MORF4L1: variants seen among roughly 807,000 people sequenced by gnomAD.
MORF4L1 encodes the protein mortality factor 4-like protein 1.
In MORF4L1, 4 loss-of-function variants were observed where a neutral mutation model predicts 52.9. That is an observed-to-expected ratio of 0.08 (90% CI 0.04 to 0.17). The LOEUF (loss-of-function observed/expected upper bound fraction) is 0.17. Ranked by LOEUF, MORF4L1 falls within the 10% of genes least tolerant of loss-of-function variation. The pLI is 1.00. For synonymous variants in MORF4L1, 123 were observed against 134.8 expected, an observed-to-expected ratio of 0.91 and a Z score of 0.61; for missense variants, 214 against 390.4, an observed-to-expected ratio of 0.55 and a Z score of 3.81.
At chr15:78,886,967 A>AT (rs1820162516) in intron 4 of MORF4L1, among the ~76,000 whole-genome samples, 1 of 152,092 alleles carries the variant, frequency 6.6e-6, no homozygotes, top group East Asian at 1.9e-4. Context: ...AAAAAAAAAA[A>AT]AAAAGAATTA....
chr15:78,892,366 CA>C (rs753631712), intron 8 of MORF4L1, 53 bp downstream of exon 8: 8 of 1,336,714 alleles, frequency 6.0e-6, no homozygotes, highest in Non-Finnish European at 8.5e-6. Flanking sequence ...TTCTTGCTAG[CA>C]AAAAAAGTTT....
chr15:78,891,480 A>G lies in MORF4L1; in HGVS notation c.350-4A>G, dbSNP rs1312757783. 4 of 1,613,056 alleles carry G rather than the reference A, an allele frequency of 2.5e-6. No individual in the cohort carries two copies. The highest frequency in any genetic ancestry group is 3.3e-5 in the Admixed American group (2 of 59,942). ...ATGAGACCCCTCCCCGCCAACATTT[A>G]CAGCACCTGGAAATGGAGATGGTGG... On this transcript the variant is annotated splice_region_variant and splice_polypyrimidine_tract_variant and intron_variant, in intron 6 of 11. Transcript: ENST00000426013.
chr15:78,887,447 AT>A lies in MORF4L1; in HGVS notation c.323+100del. ...TGTGTTGAAGTGGAAACTTTGGAAC[AT>A]TGTTGGAACCAGTAAGAATCCCATT... On this transcript the variant is annotated intron_variant, in intron 5 of 11. Transcript: ENST00000426013. The A allele has an allele frequency of 1.9e-6, 2 of 1,032,722 alleles. 1 individual carries two copies. 64.0% of individuals were successfully genotyped at this position (1,032,722 alleles called of 1,614,324 possible).
intron 1 of MORF4L1, among the ~76,000 whole-genome samples, chr15:78,877,431 T>G (rs2056516574): frequency 6.6e-6 from 1 of 152,218 alleles, no homozygotes; most frequent in Non-Finnish European, 1.5e-5. Context: ...GCTCTTTTAA[T>G]TTTAGAGCTA....
intron 1 of MORF4L1, chr15:78,878,008 G>GT: frequency 2.2e-6 from 1 of 463,436 alleles, no homozygotes; most frequent in Non-Finnish European, 3.8e-6. Flanking sequence ...CTAATGAATT[G>GT]TTTTTGTTTT....
chr15:78,897,238 C>CT lies in MORF4L1; in HGVS notation c.*173dup. The stretch of plus-strand genomic sequence containing the variant: ...AAAAGGGGGTAATAGCTCCTTTTTT[C>CT]TTCTTTCTTTTTTTTTTTCATTTCA... On this transcript the variant is annotated 3_prime_UTR_variant, in exon 12 of 12. Coordinates refer to ENST00000426013, the MANE Select transcript of MORF4L1 (RefSeq NM_006791.4). 1 of 486,808 alleles carries CT rather than the reference C, an allele frequency of 2.1e-6. No individual in the cohort carries two copies. Among genetic ancestry groups the CT allele is most frequent in the African/African-American group, 2.0e-5 (1 of 50,324 alleles). 30.2% of individuals were successfully genotyped at this position (486,808 alleles called of 1,614,324 possible).
chr15:78,894,177 C>G lies in MORF4L1; in HGVS notation c.749C>G (p.Pro250Arg). ...PQYAEILADHPDAPMSQVYGA... is the reference protein window; with the variant it reads ...PQYAEILADHRDAPMSQVYGA... Reference sequence around the variant, plus strand: ...TATGCTGAAATTCTTGCAGATCATCCCGATGCACCCATGTCCCAGGTGTAT... The same window carrying G: ...TATGCTGAAATTCTTGCAGATCATCGCGATGCACCCATGTCCCAGGTGTAT... The change falls in exon 10 of 12, where the codon CCC becomes CGC. Residue 250 changes from proline to arginine, a missense_variant. Transcript: ENST00000426013. 1 of 1,613,896 alleles carries G rather than the reference C, an allele frequency of 6.2e-7. No homozygotes were observed. Among genetic ancestry groups the G allele is most frequent in the Non-Finnish European group, 8.5e-7 (1 of 1,179,936 alleles).
At chr15:78,890,337 T>C (rs1451502272) in intron 5 of MORF4L1, among the ~76,000 whole-genome samples, 1 of 152,056 alleles carries the variant, frequency 6.6e-6, no homozygotes, top group African/African-American at 2.4e-5. Flanking sequence ...TCTAAAAATA[T>C]TTTGGGGAAC....
chr15:78,874,840 G>A (rs1004563413), intron 1 of MORF4L1, among the ~76,000 whole-genome samples: 1 of 123,928 alleles, frequency 8.1e-6, no homozygotes, highest in South Asian at 2.4e-4. Flanking sequence ...TCTAGAGTCA[G>A]TGCATTAATT....
intron 10 of MORF4L1, chr15:78,894,461 T>C (rs540740531): frequency 7.9e-6 from 3 of 378,428 alleles, no homozygotes; most frequent in African/African-American, 2.1e-5. Context: ...CAGGCTGGAG[T>C]GCAGTGGTGC....
intron 1 of MORF4L1, among the ~76,000 whole-genome samples, chr15:78,875,846 A>G (rs187636408): frequency 2.2e-4 from 34 of 152,268 alleles, no homozygotes; most frequent in African/African-American, 7.7e-4. Flanking sequence ...GAAAAAGAAT[A>G]TTTGATGAGT....
intron 5 of MORF4L1, among the ~76,000 whole-genome samples, chr15:78,888,712 A>T (rs184388519): frequency 5.9e-5 from 9 of 152,304 alleles, no homozygotes; most frequent in Middle Eastern, 6.8e-3. Flanking sequence ...ACTGCGCTCC[A>T]GCCTCTTAAA....
At chr15:78,884,411 G>C (rs2141469641) in intron 3 of MORF4L1, among the ~76,000 whole-genome samples, 1 of 152,094 alleles carries the variant, frequency 6.6e-6, no homozygotes, top group Non-Finnish European at 1.5e-5. Context: ...AGCCGAGGGT[G>C]GGCGGATCAC....
intron 3 of MORF4L1, 142 bp downstream of exon 3, chr15:78,880,721 A>G: frequency 1.7e-6 from 1 of 597,502 alleles, no homozygotes; most frequent in South Asian, 2.4e-5. Context: ...CATTTGTAGT[A>G]TGACAAAACT....
At chr15:78,883,136 A>G (rs1212233124) in intron 3 of MORF4L1, among the ~76,000 whole-genome samples, 1 of 151,342 alleles carries the variant, frequency 6.6e-6, no homozygotes, top group Non-Finnish European at 1.5e-5. Flanking sequence ...AATCGCTTGA[A>G]CCCAGGAGGC....
In MORF4L1 at chr15:78,892,280, T is replaced by C. The variant is rs2056813884; in HGVS notation, c.507T>C (p.Val169=). The C allele has an allele frequency of 6.2e-7, 1 of 1,613,744 alleles. No individual in the cohort carries two copies. Among genetic ancestry groups the C allele is most frequent in the African/African-American group, 1.3e-5 (1 of 74,914 alleles). The change falls in exon 8 of 12, where the codon GTT becomes GTC. Residue 169 remains valine (V), a synonymous_variant. Coordinates refer to ENST00000426013, the MANE Select transcript of MORF4L1 (RefSeq NM_006791.4). ...KIPEELKPWL[V]DDWDLITRQK... is the part of the protein sequence containing the mutation. Reference sequence around the variant, plus strand: ...CTGAAGAGCTAAAACCGTGGCTTGTTGATGACTGGGACTTAATTACCAGGC... The same window carrying C: ...CTGAAGAGCTAAAACCGTGGCTTGTCGATGACTGGGACTTAATTACCAGGC...
chr15:78,874,888 A>G (rs1434900978), intron 1 of MORF4L1, among the ~76,000 whole-genome samples: 1 of 150,934 alleles, frequency 6.6e-6, no homozygotes, highest in East Asian at 1.9e-4. Flanking sequence ...TTTTTTTTCT[A>G]TCTCCCAAGT....
intron 3 of MORF4L1, among the ~76,000 whole-genome samples, chr15:78,882,634 T>C (rs948145351): frequency 3.3e-5 from 5 of 152,188 alleles, no homozygotes; most frequent in African/African-American, 1.2e-4. Context: ...AAGTTGAGAG[T>C]GTTAGGAGAA....
Position 78,878,242 on chromosome 15 carries a change from C to A in MORF4L1, c.70C>A (p.Leu24Ile). 6.2e-7 allele frequency: 1 copy of A among 1,611,968 alleles called. No individual in the cohort carries two copies. Among genetic ancestry groups the A allele is most frequent in the Non-Finnish European group, 8.5e-7 (1 of 1,179,568 alleles). The change falls in exon 2 of 12, where the codon CTT becomes ATT. Residue 24 changes from leucine to isoleucine, a missense_variant. By Grantham distance (5) the Leu-to-Ile change is conservative. Transcript: ENST00000426013. ...GERVLCFHGPLLYEAKCVKVA... is the reference protein window; with the variant it reads ...GERVLCFHGPILYEAKCVKVA... The stretch of plus-strand genomic sequence containing the variant: ...GCGAGTGCTGTGCTTTCATGGGCCT[C>A]TTCTTTATGAAGCAAAGGTATGAAA...
Sources: gnomAD v4.1 joint callset for allele counts (sites outside exome capture counted in the v4.1 genomes callset) on GRCh38, gnomAD v4.1.1 for gene constraint, MANE v1.5 for transcripts, NCBI Gene and HGNC (gene_info 2026-07-23, HGNC 2026-07-21) for gene names.